The following HELLS variants were observed in gnomAD, a reference collection of about 807,000 sequenced individuals.
The protein encoded by HELLS is helicase, lymphoid specific, also known as lymphoid-specific helicase.
In HELLS, 32 loss-of-function variants were observed where a neutral mutation model predicts 120.0. The ratio of observed to expected loss-of-function variants is 0.27; its 90% CI spans 0.20 to 0.36. The LOEUF is 0.36. HELLS is among the 10% of genes least tolerant of loss of function. The pLI, the probability that HELLS is intolerant of heterozygous loss-of-function variation, is 1.00. For synonymous variants in HELLS, 341 were observed against 323.4 expected (o/e 1.05, Z -0.58); for missense variants, 650 against 993.4 (o/e 0.65, Z 4.65).
intron 6 of HELLS, among the ~76,000 whole-genome samples, chr10:94,566,328 G>T (rs1255278268): frequency 6.6e-6 from 1 of 152,192 alleles, no homozygotes; most frequent in African/African-American, 2.4e-5. Context: ...GATTAATAGG[G>T]AAAGAGTAAA....
chr10:94,568,819 A>T (rs1340376034), intron 6 of HELLS, among the ~76,000 whole-genome samples: 1 of 151,542 alleles, frequency 6.6e-6, no homozygotes, highest in African/African-American at 2.4e-5. Flanking sequence ...TTTAGAGGAT[A>T]GTAAATTGAA....
Position 94,611,376 on chromosome 10 carries a change from T to C in HELLS, c.*1525T>C, listed in dbSNP as rs568145378. On this transcript the variant is annotated 3_prime_UTR_variant, in exon 10 of 10. Coordinates refer to the HELLS transcript ENST00000371327. The stretch of plus-strand genomic sequence containing the variant: ...ACTTAATGTAATGTTTGCTACTTAA[T>C]GTTCAATAACTCAAAGAGACCACCA... 8 of 152,252 alleles carry C rather than the reference T, an allele frequency of 5.3e-5. 1 individual carries two copies. The South Asian group carries it at 1.7e-3, about 32-fold the overall frequency. 9.4% of individuals were successfully genotyped at this position (152,252 alleles called of 1,614,324 possible). A position where few individuals can be genotyped will look rare whatever the true frequency, so the allele number is the denominator to read the frequency against.
At chr10:94,569,186 C>A (rs1843997958) in intron 6 of HELLS, 1 of 144,488 alleles carries the variant, frequency 6.9e-6, no homozygotes, top group South Asian at 2.2e-4. Context: ...CTCAGCAAGA[C>A]TTTTTTTTTT....
chr10:94,562,585 C>G, intron 4 of HELLS, 106 bp from the exon 5 acceptor site: 1 of 731,638 alleles, frequency 1.4e-6, no homozygotes, highest in Non-Finnish European at 2.3e-6. Context: ...GTGGATGTGG[C>G]TCAATTGCAG....
At chr10:94,585,362 G>GTTTTTTTTTTTT (rs11288915) in intron 12 of HELLS, among the ~76,000 whole-genome samples, 1 of 121,058 alleles carries the variant, frequency 8.3e-6, no homozygotes, top group East Asian at 2.2e-4. Context: ...TTTTTGTTTT[G>GTTTTTTTTTTTT]TTTTTTTTTT....
chr10:94,571,520 TCTCA>T, intron 7 of HELLS, 91 bp downstream of exon 7: 1 of 1,055,064 alleles, frequency 9.5e-7, no homozygotes, highest in Non-Finnish European at 1.4e-6. Flanking sequence ...TATACGTTCT[TCTCA>T]CTATTATCCT....
At chr10:94,556,028 C>T (rs889496288) in intron 3 of HELLS, among the ~76,000 whole-genome samples, 2 of 152,146 alleles carry the variant, frequency 1.3e-5, no homozygotes, top group African/African-American at 2.4e-5. Context: ...TTGTGGGAAC[C>T]CTGATTTATA....
Position 94,581,350 on chromosome 10 carries a change from G to A in HELLS, c.1057G>A (p.Val353Ile). The A allele has an allele frequency of 6.3e-7, 1 of 1,585,792 alleles. No individual in the cohort carries two copies. The highest frequency in any genetic ancestry group is 2.3e-5 in the East Asian group (1 of 44,332). ...LQHCYWKYLIVDEGHRIKNMK... is the reference protein window; with the variant it reads ...LQHCYWKYLIIDEGHRIKNMK... The stretch of plus-strand genomic sequence containing the variant: ...GCATTGCTATTGGAAATACTTAATA[G>A]TAGATGAAGGACACAGGATTAAGAA... Residue 353 changes from valine to isoleucine, a missense_variant, in exon 11 of 22, where the codon GTA becomes ATA. Coordinates refer to ENST00000348459, the MANE Select transcript of HELLS (RefSeq NM_018063.5).
At chr10:94,567,228 T>G (rs1427693940) in intron 6 of HELLS, among the ~76,000 whole-genome samples, 1 of 152,138 alleles carries the variant, frequency 6.6e-6, no homozygotes, top group Non-Finnish European at 1.5e-5. Context: ...ATAGATACAT[T>G]GTGTTTTCCT....
chr10:94,593,244 G>C (rs1253313525), intron 17 of HELLS, among the ~76,000 whole-genome samples: 1 of 151,988 alleles, frequency 6.6e-6, no homozygotes, highest in African/African-American at 2.4e-5. Flanking sequence ...ATCATTTTTT[G>C]ATATTAGCTT....
At position 94,613,092 on chromosome 10, in the gene HELLS, A is replaced by G. The variant is rs539892129; in HGVS notation, c.*3241A>G. 3.3e-5 allele frequency: 5 copies of G among 152,330 alleles called. No homozygotes were observed. The East Asian group carries it at 9.7e-4, about 29-fold the overall frequency. 9.4% of individuals were successfully genotyped at this position (152,330 alleles called of 1,614,324 possible). A position where few individuals can be genotyped will look rare whatever the true frequency, so the allele number is the denominator to read the frequency against. On this transcript the variant is annotated 3_prime_UTR_variant, in exon 10 of 10. Transcript: ENST00000371327. Reference sequence around the variant, plus strand: ...AGTGTGTATCCACCACATTTAACTTATTCACTTACAGAACTATGCAAGAAT... The same window carrying G: ...AGTGTGTATCCACCACATTTAACTTGTTCACTTACAGAACTATGCAAGAAT...
At chr10:94,567,907 T>G (rs1199091530) in intron 6 of HELLS, among the ~76,000 whole-genome samples, 3 of 53,976 alleles carry the variant, frequency 5.6e-5, no homozygotes, top group Non-Finnish European at 8.4e-5. Context: ...AAACCCTGGT[T>G]TTTTTTTTTT....
intron 9 of HELLS, among the ~76,000 whole-genome samples, chr10:94,608,198 T>C (rs1250081777): frequency 6.6e-6 from 1 of 152,264 alleles, no homozygotes; most frequent in African/African-American, 2.4e-5. Flanking sequence ...GGTTGAAATG[T>C]ATTCTTAAAA....
intron 6 of HELLS, chr10:94,571,127 AAAAG>A (rs1844132880): frequency 3.4e-6 from 1 of 293,948 alleles, no homozygotes; most frequent in Non-Finnish European, 6.2e-6. Context: ...TACTCAGATT[AAAAG>A]AAAGAAAAGC....
intron 1 of HELLS, 36 bp downstream of exon 1, chr10:94,545,988 C>G (rs1386025688): frequency 1.5e-5 from 24 of 1,552,448 alleles, no homozygotes; most frequent in Non-Finnish European, 2.0e-5. Flanking sequence ...CGGGTGGCAG[C>G]CTGCGGGGCT....
chr10:94,585,385 G>GTTTTTTTTTTTTTTTTTTGTTTT (rs10540229), intron 12 of HELLS, among the ~76,000 whole-genome samples: 1 of 122,012 alleles, frequency 8.2e-6, no homozygotes, highest in African/African-American at 3.0e-5. Context: ...GTTTGTTTTT[G>GTTTTTTTTTTTTTTTTTTGTTTT]TTTTTTTTTT....
chr10:94,549,990 G>A (rs1289046304), intron 2 of HELLS, among the ~76,000 whole-genome samples: 3 of 152,090 alleles, frequency 2.0e-5, no homozygotes, highest in African/African-American at 7.2e-5. Flanking sequence ...GCGCAGTCTC[G>A]GCTCACTGCA....
At chr10:94,578,070 C>CAAAA (rs58732872) in intron 10 of HELLS, among the ~76,000 whole-genome samples, 2 of 60,840 alleles carry the variant, frequency 3.3e-5, no homozygotes, top group Admixed American at 2.4e-4. Context: ...GACTCCGTCT[C>CAAAA]AAAAAAAAAA....
At chr10:94,558,273 A>G (rs1843363361) in intron 4 of HELLS, 78 bp downstream of exon 4, 1 of 1,454,782 alleles carries the variant, frequency 6.9e-7, no homozygotes, top group Admixed American at 2.7e-5. Flanking sequence ...GACTTTTTTG[A>G]TCATCTGTTT....
Sources: gnomAD v4.1 joint callset for allele counts (sites outside exome capture counted in the v4.1 genomes callset) on GRCh38, gnomAD v4.1.1 for gene constraint, MANE v1.5 for transcripts, NCBI Gene and HGNC (gene_info 2026-07-23, HGNC 2026-07-21) for gene names.